The following MAP4K3 variants were observed in gnomAD, a reference collection of about 807,000 sequenced individuals.
MAP4K3 encodes MAPK/ERK kinase kinase kinase 3.
A neutral mutation model predicts 143.5 loss-of-function variants in MAP4K3; 94 were observed. The observed-to-expected ratio is 0.65, with a 90% CI of 0.55 to 0.78. MAP4K3 has a LOEUF of 0.78. MAP4K3 is among the 30% of genes least tolerant of loss of function. The pLI is 0.00. For missense variants in MAP4K3, 1,077 were observed against 1,068.1 expected (o/e 1.01, Z -0.12); for synonymous variants, 416 against 347.2 (o/e 1.20, Z -2.20).
intron 1 of MAP4K3, chr2:39,436,554 C>G (rs76709344): frequency 3.7e-6 from 1 of 270,512 alleles, no homozygotes; most frequent in East Asian, 1.1e-4. Flanking sequence ...GTCGCGCTGA[C>G]CCTGCCAACG....
chr2:39,433,539 T>G (rs1175766432), intron 1 of MAP4K3, among the ~76,000 whole-genome samples: 1 of 152,214 alleles, frequency 6.6e-6, no homozygotes, highest in Non-Finnish European at 1.5e-5. Context: ...CCAAGAAAAC[T>G]TTTTTGAATG....
intron 1 of MAP4K3, among the ~76,000 whole-genome samples, chr2:39,389,173 G>A (rs917855288): frequency 2.0e-5 from 3 of 151,868 alleles, no homozygotes; most frequent in Non-Finnish European, 4.4e-5. Context: ...TTGGCAGACA[G>A]GACAAAAAGA....
At chr2:39,396,478 ATTTTTTT>A (rs1056811510) in intron 1 of MAP4K3, among the ~76,000 whole-genome samples, 1 of 138,168 alleles carries the variant, frequency 7.2e-6, no homozygotes, top group Non-Finnish European at 1.6e-5. Context: ...CAAGCCCCCA[ATTTTTTT>A]TTTTTTTTTT....
At position 39,253,323 on chromosome 2, in the gene MAP4K3, G is replaced by A. The variant is rs1338538183; in HGVS notation, c.2541+1127C>T. Reference sequence around the variant, plus strand: ...TAATTTTTCTATTTTTAGTACAGACGAGGTTTCACCATGTTGGCCAGGCTG... The same window carrying A: ...TAATTTTTCTATTTTTAGTACAGACAAGGTTTCACCATGTTGGCCAGGCTG... On this transcript the variant is annotated intron_variant, in intron 32 of 33. Transcript: ENST00000263881. Among the ~76,000 whole-genome samples, 3 of 152,084 alleles carry A rather than the reference G, an allele frequency of 2.0e-5. 1 individual carries two copies. The highest frequency in any genetic ancestry group is 3.9e-4 in the East Asian group (2 of 5,180).
chr2:39,379,738 G>A (rs1282539647), intron 1 of MAP4K3: 3 of 168,566 alleles, frequency 1.8e-5, no homozygotes, highest in Non-Finnish European at 4.4e-5. Flanking sequence ...ATCATGCTAT[G>A]GTTTTTTACT....
intron 21 of MAP4K3, among the ~76,000 whole-genome samples, chr2:39,285,609 T>C (rs1170885186): frequency 2.6e-5 from 4 of 152,106 alleles, no homozygotes; most frequent in Admixed American, 2.6e-4. Flanking sequence ...TAATATGTCA[T>C]ATTGTATAGT....
chr2:39,271,797 ATGTTG>A (rs1256238765), intron 26 of MAP4K3: 1 of 154,310 alleles, frequency 6.5e-6, no homozygotes, highest in African/African-American at 2.4e-5. Flanking sequence ...AGGTCTTGCT[ATGTTG>A]CTCAGGCTGG....
chr2:39,250,727 T>C (rs1680122849), intron 33 of MAP4K3, 22 bp from the exon 34 acceptor site: 3 of 1,595,566 alleles, frequency 1.9e-6, no homozygotes, highest in African/African-American at 2.7e-5. Flanking sequence ...AAAAAACATA[T>C]AACAAAACAA....
chr2:39,383,064 A>T (rs1666394253), intron 1 of MAP4K3, among the ~76,000 whole-genome samples: 2 of 152,320 alleles, frequency 1.3e-5, no homozygotes, highest in South Asian at 4.1e-4. Flanking sequence ...ACTCCCTTTC[A>T]GAAGAAAATG....
intron 1 of MAP4K3, among the ~76,000 whole-genome samples, chr2:39,434,266 GA>G (rs1325987286): frequency 6.6e-6 from 1 of 152,030 alleles, no homozygotes; most frequent in Non-Finnish European, 1.5e-5. Flanking sequence ...GTATAAATAA[GA>G]AAAAACTAAA....
At chr2:39,432,765 ATTTTACTGCCCAATCCTCACCTT>A (rs1665330183) in intron 1 of MAP4K3, among the ~76,000 whole-genome samples, 2 of 152,196 alleles carry the variant, frequency 1.3e-5, no homozygotes, top group African/African-American at 4.8e-5. Context: ...TGGTTTCCTT[ATTTTACTGCCCAATCCTCACCTT>A]TTTTCCTGCC....
chr2:39,423,966 C>T (rs553737528), intron 1 of MAP4K3, among the ~76,000 whole-genome samples: 96 of 151,622 alleles, frequency 6.3e-4, no homozygotes, highest in African/African-American at 2.1e-3. Flanking sequence ...TTTTTTGAGA[C>T]GGAGTCTCGC....
At chr2:39,309,351 G>A in intron 14 of MAP4K3, 110 bp downstream of exon 14, 1 of 794,186 alleles carries the variant, frequency 1.3e-6, no homozygotes, top group South Asian at 1.8e-5. Flanking sequence ...GACCTCGAAT[G>A]TTTTTGAAAA....
At chr2:39,397,345 A>G (rs1666837003) in intron 1 of MAP4K3, among the ~76,000 whole-genome samples, 1 of 151,686 alleles carries the variant, frequency 6.6e-6, no homozygotes. Context: ...TATACAACAT[A>G]TTATAATACA....
intron 2 of MAP4K3, among the ~76,000 whole-genome samples, chr2:39,366,533 C>G (rs571916290): frequency 1.7e-4 from 26 of 152,310 alleles, no homozygotes; most frequent in African/African-American, 6.3e-4. Context: ...TACCAGTCAG[C>G]TTTCCCTGAA....
chr2:39,398,081 C>G lies in MAP4K3; in HGVS notation c.97-19958G>C, dbSNP rs546461357. ...ATATATACAGGGAATCCAATAATAT[C>G]AATCAAAATTACAGACGCATGTACC... On this transcript the variant is annotated intron_variant, in intron 1 of 33. Coordinates refer to ENST00000263881, the MANE Select transcript of MAP4K3 (RefSeq NM_003618.4). Among the ~76,000 whole-genome samples the G allele has an allele frequency of 1.0e-3, 155 of 152,152 alleles. 1 individual carries two copies. Among genetic ancestry groups the G allele is most frequent in the African/African-American group, 3.4e-3 (140 of 41,534 alleles).
At chr2:39,317,047 C>G (rs1381289655) in intron 12 of MAP4K3, among the ~76,000 whole-genome samples, 1 of 152,060 alleles carries the variant, frequency 6.6e-6, no homozygotes, top group East Asian at 1.9e-4. Flanking sequence ...GAGAATGGTA[C>G]TGGTATAAAA....
intron 16 of MAP4K3, among the ~76,000 whole-genome samples, chr2:39,298,166 A>C (rs1270622778): frequency 6.6e-6 from 1 of 152,150 alleles, no homozygotes. Flanking sequence ...AAATAACATA[A>C]AAACACTTCA....
intron 8 of MAP4K3, among the ~76,000 whole-genome samples, chr2:39,329,818 A>C (rs1207409401): frequency 6.6e-6 from 1 of 152,148 alleles, no homozygotes; most frequent in African/African-American, 2.4e-5. Flanking sequence ...AGAACATAAC[A>C]ACCAGGTTTA....
Sources: gnomAD v4.1 joint callset for allele counts (sites outside exome capture counted in the v4.1 genomes callset) on GRCh38, gnomAD v4.1.1 for gene constraint, MANE v1.5 for transcripts, NCBI Gene and HGNC (gene_info 2026-07-23, HGNC 2026-07-21) for gene names.